TMEM38A: variants seen among roughly 807,000 people sequenced by gnomAD.
The protein encoded by TMEM38A is trimeric intracellular cation channel type A.
A neutral mutation model predicts 28.6 loss-of-function variants in TMEM38A; 17 were observed. The observed-to-expected ratio is 0.60, with a 90% CI of 0.41 to 0.89. TMEM38A has a LOEUF of 0.89. Ranked by LOEUF, TMEM38A falls within the 40% of genes least tolerant of loss-of-function variation. The pLI is 0.00. For synonymous variants in TMEM38A, 169 were observed against 166.1 expected (o/e 1.02, Z -0.14); for missense variants, 328 against 393.1 (o/e 0.83, Z 1.40).
intron 4 of TMEM38A, among the ~76,000 whole-genome samples, chr19:16,684,294 C>T (rs2086792987): frequency 6.7e-6 from 1 of 150,182 alleles, no homozygotes; most frequent in Non-Finnish European, 1.5e-5. Context: ...GGCAACATTA[C>T]AACATCCCAT....
At chr19:16,674,099 C>A (rs1013832477) in intron 1 of TMEM38A, among the ~76,000 whole-genome samples, 1 of 145,846 alleles carries the variant, frequency 6.9e-6, no homozygotes, top group African/African-American at 2.6e-5. Context: ...AAAAAAGTGT[C>A]CAGGGCCAGG....
At chr19:16,671,950 C>T (rs948964394) in intron 1 of TMEM38A, among the ~76,000 whole-genome samples, 2 of 152,168 alleles carry the variant, frequency 1.3e-5, no homozygotes, top group African/African-American at 4.8e-5. Context: ...GGTGCCTCAC[C>T]CGACCTGGCC....
chr19:16,678,080 T>C (rs1452370259), intron 1 of TMEM38A, among the ~76,000 whole-genome samples: 4 of 152,140 alleles, frequency 2.6e-5, no homozygotes, highest in African/African-American at 9.7e-5. Context: ...GAAAGAGTTT[T>C]GGAGATGGTT....
intron 5 of TMEM38A, among the ~76,000 whole-genome samples, chr19:16,687,508 G>A (rs752881246): frequency 6.6e-6 from 1 of 152,170 alleles, no homozygotes; most frequent in Non-Finnish European, 1.5e-5. Context: ...GCAACAGAGT[G>A]AGACCCTGTC....
At position 16,680,486 on chromosome 19, in the gene TMEM38A, T is replaced by A. The variant is rs775227576; in HGVS notation, c.371T>A (p.Val124Glu). The A allele has an allele frequency of 1.2e-6, 2 of 1,614,076 alleles. No individual in the cohort carries two copies. The highest frequency in any genetic ancestry group is 1.3e-5 in the African/African-American group (1 of 75,010). ...CTCATCTTCGTGGCCATGAAGGAGG[T>A]GGTGCGAGTCCGCAAGATCGCGGTG... ...VKLIFVAMKE[V>E]VRVRKIAVGI... Residue 124 changes from valine (V) to glutamate (E), a missense_variant, in exon 3 of 6, where the codon GTG becomes GAG. Val to Glu is a moderately radical substitution (Grantham distance 121). Transcript: ENST00000187762.
intron 4 of TMEM38A, among the ~76,000 whole-genome samples, 163 bp downstream of exon 4, chr19:16,682,671 T>C (rs781701582): frequency 3.9e-5 from 6 of 152,106 alleles, no homozygotes; most frequent in Non-Finnish European, 7.4e-5. Flanking sequence ...GAGCCATAGC[T>C]CTGCTCAGTG....
chr19:16,663,734 C>T (rs1159298547), intron 1 of TMEM38A, among the ~76,000 whole-genome samples: 1 of 150,732 alleles, frequency 6.6e-6, no homozygotes, highest in Non-Finnish European at 1.5e-5. Context: ...GACAGGGTTT[C>T]ACCGTATTAG....
At chr19:16,667,550 T>G (rs988528938) in intron 1 of TMEM38A, among the ~76,000 whole-genome samples, 1 of 152,074 alleles carries the variant, frequency 6.6e-6, no homozygotes, top group African/African-American at 2.4e-5. Context: ...CAGACTCACC[T>G]AGGGAGATTT....
At chr19:16,682,611 C>T (rs1599391812) in intron 4 of TMEM38A, 103 bp downstream of exon 4, 16 of 1,013,108 alleles carry the variant, frequency 1.6e-5, no homozygotes, top group Admixed American at 5.7e-5. Flanking sequence ...CAACCCTTGA[C>T]TCTGCCTTTC....
chr19:16,684,018 T>C (rs1206112991), intron 4 of TMEM38A, among the ~76,000 whole-genome samples: 1 of 150,260 alleles, frequency 6.7e-6, no homozygotes, highest in Non-Finnish European at 1.5e-5. Flanking sequence ...TAGTCCCAGC[T>C]ACATGGGAGG....
At chr19:16,669,516 C>T (rs1228227781) in intron 1 of TMEM38A, among the ~76,000 whole-genome samples, 3 of 151,926 alleles carry the variant, frequency 2.0e-5, no homozygotes, top group Non-Finnish European at 4.4e-5. Flanking sequence ...CAAGTTTTAA[C>T]ATTTTTCATA....
Position 16,689,234 on chromosome 19 carries a change from A to C in TMEM38A, c.*863A>C, listed in dbSNP as rs1247156158. On this transcript the variant is annotated 3_prime_UTR_variant, in exon 6 of 6. Transcript: ENST00000187762. ...TCCTCCTCTGAGCTTGGCGCTCCCC[A>C]TCTGTATAGTGGAGACCCTTGGCCC... 6.6e-6 allele frequency: 1 copy of C among 152,086 alleles called. No homozygotes were observed. The highest frequency in any genetic ancestry group is 1.9e-4 in the East Asian group (1 of 5,172). 9.4% of individuals were successfully genotyped at this position (152,086 alleles called of 1,614,324 possible).
intron 1 of TMEM38A, among the ~76,000 whole-genome samples, chr19:16,668,047 A>T (rs1194882501): frequency 6.6e-6 from 1 of 151,916 alleles, no homozygotes; most frequent in South Asian, 2.1e-4. Flanking sequence ...TGTCTCTACT[A>T]AAAATACAAA....
intron 4 of TMEM38A, among the ~76,000 whole-genome samples, chr19:16,684,394 C>T (rs898043558): frequency 4.0e-5 from 6 of 151,532 alleles, no homozygotes; most frequent in East Asian, 1.9e-4. Flanking sequence ...GCAGGAAGAT[C>T]GCTTGGTCTC....
chr19:16,680,346 A>AT (rs1568316091), intron 2 of TMEM38A, 51 bp from the exon 3 acceptor site: 1 of 1,600,672 alleles, frequency 6.2e-7, no homozygotes, highest in Non-Finnish European at 8.6e-7. Context: ...CCCTACCCCC[A>AT]TCCTTCACAG....
At chr19:16,668,540 G>C (rs923125387) in intron 1 of TMEM38A, among the ~76,000 whole-genome samples, 2 of 148,320 alleles carry the variant, frequency 1.3e-5, no homozygotes, top group African/African-American at 2.5e-5. Context: ...GGGTTCTGTT[G>C]TGTTGCCCAG....
At chr19:16,672,282 C>T (rs1226248680) in intron 1 of TMEM38A, among the ~76,000 whole-genome samples, 4 of 151,818 alleles carry the variant, frequency 2.6e-5, no homozygotes, top group East Asian at 1.9e-4. Flanking sequence ...GTGGGGATAG[C>T]GAGGAGAGGG....
At chr19:16,668,148 G>A (rs1437803270) in intron 1 of TMEM38A, among the ~76,000 whole-genome samples, 5 of 152,132 alleles carry the variant, frequency 3.3e-5, no homozygotes, top group African/African-American at 1.2e-4. Flanking sequence ...GGCGGAGGTT[G>A]CAGTGAGCAG....
At chr19:16,663,534 CTT>C (rs926672602) in intron 1 of TMEM38A, among the ~76,000 whole-genome samples, 2 of 143,560 alleles carry the variant, frequency 1.4e-5, no homozygotes, top group African/African-American at 2.5e-5. Context: ...TTTTTCTTTT[CTT>C]TTTTTTTTTT....
Sources: gnomAD v4.1 joint callset for allele counts (sites outside exome capture counted in the v4.1 genomes callset) on GRCh38, gnomAD v4.1.1 for gene constraint, MANE v1.5 for transcripts, NCBI Gene and HGNC (gene_info 2026-07-23, HGNC 2026-07-21) for gene names.